Variants in DIXDC1 observed in about 807,000 individuals in gnomAD.
The protein encoded by DIXDC1 is DIX domain containing 1, also known as dixin.
In DIXDC1, 64 loss-of-function variants were observed where a neutral mutation model predicts 103.1. The ratio of observed to expected loss-of-function variants is 0.62; its 90% CI spans 0.51 to 0.76. The LOEUF (loss-of-function observed/expected upper bound fraction) is 0.76. Among genes scored for constraint, DIXDC1 ranks in the 30% least tolerant of loss-of-function variants. The pLI is 0.00. For synonymous variants in DIXDC1, 266 were observed against 298.5 expected (o/e 0.89, Z 1.12); for missense variants, 759 against 834.2 (o/e 0.91, Z 1.11).
intron 1 of DIXDC1, among the ~76,000 whole-genome samples, chr11:111,952,769 G>A (rs1321159852): frequency 6.7e-6 from 1 of 148,746 alleles, no homozygotes; most frequent in South Asian, 2.1e-4. Flanking sequence ...GCAATGAGCC[G>A]AGATCACACC....
At chr11:111,968,942 T>C (rs1859821703) in intron 3 of DIXDC1, among the ~76,000 whole-genome samples, 1 of 151,770 alleles carries the variant, frequency 6.6e-6, no homozygotes, top group South Asian at 2.1e-4. Context: ...GCCTGGCTAA[T>C]TTTGTATTTT....
intron 1 of DIXDC1, chr11:111,946,753 C>T: frequency 2.1e-6 from 1 of 479,798 alleles, no homozygotes; most frequent in Non-Finnish European, 4.2e-6. Flanking sequence ...TGGGCACACG[C>T]CACATGCAGA....
rs1555174707 is a variant in DIXDC1 at position 111,992,918 on chromosome 11, C to G, written c.1219-33C>G. ...TTCCTTGAGGGTTAGCAGGCAGTAC[C>G]TGCGTGCCATGAATTCTTTCTTATT... On this transcript the variant is annotated intron_variant, in intron 11 of 19. Transcript: ENST00000440460. 3 of 1,588,046 alleles carry G rather than the reference C, an allele frequency of 1.9e-6. No homozygotes were observed. In the Admixed American group the frequency reaches 5.4e-5, roughly 28 times the overall value.
chr11:111,989,762 C>G (rs1860633741), intron 10 of DIXDC1, among the ~76,000 whole-genome samples: 1 of 151,716 alleles, frequency 6.6e-6, no homozygotes, highest in Admixed American at 6.6e-5. Flanking sequence ...CCTGTCCCAT[C>G]AGTCATCTAG....
chr11:111,937,136 G>GGGGA (rs1446407211), upstream of DIXDC1: 5 of 730,666 alleles, frequency 6.8e-6, no homozygotes, highest in Non-Finnish European at 8.4e-6. Flanking sequence ...CCGGGCGGGG[G>GGGGA]GGGGGTGTGC....
At chr11:111,979,045 T>A (rs912191985) in intron 5 of DIXDC1, among the ~76,000 whole-genome samples, 2 of 152,386 alleles carry the variant, frequency 1.3e-5, no homozygotes, top group East Asian at 3.9e-4. Context: ...TGCCACTCCC[T>A]ACCCCTCCTG....
In DIXDC1 at chr11:112,016,728, C is replaced by G; in HGVS notation, c.1794C>G (p.Ser598Arg). Residue 598 changes from serine to arginine, a missense_variant, in exon 18 of 20, where the codon AGC becomes AGG. Physicochemically the swap from Ser to Arg is moderately radical, Grantham distance 110 (BLOSUM62 -1). Coordinates refer to ENST00000440460, the MANE Select transcript of DIXDC1 (RefSeq NM_001037954.4). Reference sequence around the variant, plus strand: ...CACAGAGCTCTCCAACTGTCAGCAGCACCTGTACTAAAGTGCTCTATTTCA... The same window carrying G: ...CACAGAGCTCTCCAACTGTCAGCAGGACCTGTACTAAAGTGCTCTATTTCA... ...PHSQSSPTVS[S>R]TCTKVLYFTD... 3.7e-6 allele frequency: 6 copies of G among 1,608,462 alleles called. No individual in the cohort carries two copies. Among genetic ancestry groups the G allele is most frequent in the Non-Finnish European group, 5.1e-6 (6 of 1,177,172 alleles).
intron 10 of DIXDC1, among the ~76,000 whole-genome samples, chr11:111,990,497 T>C (rs1860671634): frequency 6.6e-6 from 1 of 152,180 alleles, no homozygotes; most frequent in African/African-American, 2.4e-5. Flanking sequence ...ACACCTTGCT[T>C]TTTTTCACTT....
At chr11:111,928,612 A>C (rs1555167345) in intron 1 of DIXDC1, 1 of 152,064 alleles carries the variant, frequency 6.6e-6, no homozygotes, top group African/African-American at 2.4e-5. Context: ...AATAAAAAAA[A>C]ATTAGCCGGG....
intron 1 of DIXDC1, among the ~76,000 whole-genome samples, chr11:111,953,307 C>T (rs1335269493): frequency 6.6e-6 from 1 of 152,016 alleles, no homozygotes; most frequent in Admixed American, 6.6e-5. Context: ...CTTTCAGGAC[C>T]TTATTAATTT....
At chr11:111,937,315 C>A (rs1966238177), upstream of DIXDC1, 19 of 1,340,766 alleles carry the variant, frequency 1.4e-5, no homozygotes, top group Admixed American at 1.5e-4. Flanking sequence ...CGGAGGCCCC[C>A]GTGCGAGCAT....
chr11:111,981,500 C>G (rs1555173233), intron 6 of DIXDC1, among the ~76,000 whole-genome samples: 1 of 152,162 alleles, frequency 6.6e-6, no homozygotes, highest in Non-Finnish European at 1.5e-5. Flanking sequence ...CCCATCTAAC[C>G]CTGGCATTAG....
In DIXDC1 at chr11:112,017,942, C is replaced by A; in HGVS notation, c.1971+57C>A. On this transcript the variant is annotated intron_variant, in intron 19 of 19. Transcript: ENST00000440460. This position sits in a 1 kb window ranked among gnomAD's most constrained non-coding sequence, Gnocchi z 4.0. The stretch of plus-strand genomic sequence containing the variant: ...TATTGGTCCTTTCTGAACCCTGAAG[C>A]CTCCTGTTCAAGCACTAGTGTCCAG... The A allele has an allele frequency of 7.1e-7, 1 of 1,402,712 alleles. No homozygotes were observed. The highest frequency in any genetic ancestry group is 9.8e-7 in the Non-Finnish European group (1 of 1,015,408). 86.9% of individuals were successfully genotyped at this position (1,402,712 alleles called of 1,614,324 possible). A position where few individuals can be genotyped will look rare whatever the true frequency, so the allele number is the denominator to read the frequency against.
At chr11:111,989,284 C>T (rs1860609946) in intron 10 of DIXDC1, among the ~76,000 whole-genome samples, 1 of 152,032 alleles carries the variant, frequency 6.6e-6, no homozygotes. Flanking sequence ...CCATCTGTTC[C>T]ACCCTGATTG....
intron 5 of DIXDC1, chr11:111,975,346 A>C: frequency 9.2e-7 from 1 of 1,083,792 alleles, no homozygotes; most frequent in African/African-American, 1.6e-5. Flanking sequence ...CTTGAGCCTA[A>C]GTGTAACTCT....
At chr11:111,986,985 T>G in intron 9 of DIXDC1, 61 bp downstream of exon 9, 46 of 1,370,400 alleles carry the variant, frequency 3.4e-5, no homozygotes, top group Non-Finnish European at 4.3e-5. Flanking sequence ...GCACGGTGGC[T>G]CGCGCCTGTA....
chr11:111,931,667 TA>T (rs1372629643), intron 2 of DIXDC1, among the ~76,000 whole-genome samples: 5 of 151,750 alleles, frequency 3.3e-5, no homozygotes, highest in African/African-American at 4.8e-5. Context: ...AATAAATAAT[TA>T]AAAAAAGACT....
At chr11:111,947,347 A>G (rs1365334215) in intron 1 of DIXDC1, among the ~76,000 whole-genome samples, 4 of 152,242 alleles carry the variant, frequency 2.6e-5, no homozygotes, top group African/African-American at 9.6e-5. Flanking sequence ...TAAAAGGCAT[A>G]TGGTATTTCA....
At chr11:111,975,529 G>A (rs1860068294) in intron 5 of DIXDC1, 2 of 989,550 alleles carry the variant, frequency 2.0e-6, no homozygotes, top group African/African-American at 3.5e-5. Flanking sequence ...GTATCCTTTA[G>A]AGCCAAGTAC....
Sources: gnomAD v4.1 joint callset for allele counts (sites outside exome capture counted in the v4.1 genomes callset) on GRCh38, gnomAD v4.1.1 for gene constraint, Gnocchi (gnomAD v3.1) non-coding constraint, MANE v1.5 for transcripts, NCBI Gene and HGNC (gene_info 2026-07-23, HGNC 2026-07-21) for gene names.